The following ROBO2 variants were observed in gnomAD, a reference collection of about 807,000 sequenced individuals.
ROBO2 encodes roundabout homolog 2.
Under a neutral mutation model 160.8 loss-of-function variants are expected in ROBO2, and 53 were observed. That is an observed-to-expected ratio of 0.33 (90% CI 0.26 to 0.41). The LOEUF is 0.41. ROBO2 is among the 10% of genes least tolerant of loss of function. ROBO2 has a pLI of 1.00. For missense variants in ROBO2, 1,577 were observed against 1,722.4 expected (o/e 0.92, Z 1.49); for synonymous variants, 664 against 611.7 (o/e 1.09, Z -1.26).
In ROBO2 at chr3:76,933,883, A is replaced by T. The variant is rs929413867; in HGVS notation, c.110-164131A>T. On this transcript the variant is annotated intron_variant, in intron 2 of 26. Transcript: ENST00000487694. ...CAGCTATCATTTGTGTCTCTATCAT[A>T]AAGACACAATTCTGTCTCTTCTAAA... is the stretch of plus-strand genomic sequence containing the variant. Among the ~76,000 whole-genome samples the T allele has an allele frequency of 2.6e-5, 4 of 152,208 alleles. No homozygotes were observed. The East Asian group carries it at 7.7e-4, about 29-fold the overall frequency.
At chr3:75,940,273 T>G (rs920315697) in intron 2 of ROBO2, among the ~76,000 whole-genome samples, 1 of 151,918 alleles carries the variant, frequency 6.6e-6, no homozygotes, top group African/African-American at 2.4e-5. Flanking sequence ...CTCAACTGTG[T>G]GCAACCACTA....
At chr3:76,664,742 G>A (rs370130108) in intron 2 of ROBO2, among the ~76,000 whole-genome samples, 31 of 152,232 alleles carry the variant, frequency 2.0e-4, no homozygotes, top group African/African-American at 6.7e-4. Context: ...ATTGCTGGGC[G>A]CTGGACATCA....
chr3:76,728,514 G>A (rs984902598), intron 2 of ROBO2, among the ~76,000 whole-genome samples: 1 of 152,042 alleles, frequency 6.6e-6, no homozygotes, highest in Admixed American at 6.6e-5. Context: ...TCATTAAATC[G>A]CTATCTTCGT....
At chr3:76,938,088 A>G (rs2077841044) in intron 2 of ROBO2, among the ~76,000 whole-genome samples, 1 of 152,172 alleles carries the variant, frequency 6.6e-6, no homozygotes, top group Non-Finnish European at 1.5e-5. Flanking sequence ...AATCAAGAAA[A>G]CATTTCTTTC....
intron 2 of ROBO2, among the ~76,000 whole-genome samples, chr3:77,409,103 G>GTATGTA (rs1553942404): frequency 1.5e-5 from 2 of 129,656 alleles, no homozygotes; most frequent in Non-Finnish European, 3.4e-5. Context: ...ATATATATAT[G>GTATGTA]TATATATATA....
chr3:76,591,237 G>A (rs898012346), intron 2 of ROBO2, among the ~76,000 whole-genome samples: 4 of 152,210 alleles, frequency 2.6e-5, no homozygotes, highest in Non-Finnish European at 5.9e-5. Flanking sequence ...TCATAAGAAA[G>A]AGAAAACATA....
chr3:77,608,036 C>A, intron 21 of ROBO2, 82 bp downstream of exon 22: 2 of 1,385,226 alleles, frequency 1.4e-6, no homozygotes, highest in Non-Finnish European at 2.0e-6. Flanking sequence ...ATCTTATGTT[C>A]TCTCACTGTT....
rs201788510 is a variant in ROBO2 at position 77,291,106 on chromosome 3, G to C, written c.389-186308G>C. Among the ~76,000 whole-genome samples the C allele has an allele frequency of 1.3e-3, 192 of 151,152 alleles. No individual in the cohort carries two copies. In the East Asian group the frequency reaches 0.037, roughly 29 times the overall value. The stretch of plus-strand genomic sequence containing the variant: ...GTAAAATTGACGGGTAAACGGGTAA[G>C]CTGAGGCTAGATCACCCCAGACATA... On this transcript the variant is annotated intron_variant, in intron 2 of 25. Coordinates refer to ENST00000461745, the Ensembl canonical transcript of ROBO2.
At chr3:77,617,610 A>G in exon 22 of ROBO2, 1 of 1,614,138 alleles carries the variant, frequency 6.2e-7, no homozygotes, top group Non-Finnish European at 8.5e-7. Flanking sequence ...TAGGGTCCCA[A>G]CACCTCCTGT....
At chr3:76,442,954 A>C (rs1489432729) in intron 2 of ROBO2, among the ~76,000 whole-genome samples, 2 of 152,166 alleles carry the variant, frequency 1.3e-5, no homozygotes, top group Non-Finnish European at 2.9e-5. Context: ...ATAAAAGATT[A>C]ATCGAAGCTG....
intron 2 of ROBO2, among the ~76,000 whole-genome samples, chr3:76,218,862 C>A (rs1703751913): frequency 6.6e-6 from 1 of 152,122 alleles, no homozygotes; most frequent in Admixed American, 6.6e-5. Context: ...CAAGTCAATC[C>A]TAAGCCAAAA....
chr3:76,950,593 A>G (rs1287739153), intron 2 of ROBO2, among the ~76,000 whole-genome samples: 1 of 152,212 alleles, frequency 6.6e-6, no homozygotes, highest in Non-Finnish European at 1.5e-5. Context: ...AACAGTCTCC[A>G]TTCCTGTACT....
intron 2 of ROBO2, among the ~76,000 whole-genome samples, chr3:77,206,077 G>A (rs1158275911): frequency 6.6e-6 from 1 of 151,958 alleles, no homozygotes; most frequent in Non-Finnish European, 1.5e-5. Context: ...GCGTAACTCC[G>A]GTCTCTGCCT....
At chr3:76,994,047 C>T (rs941188188) in intron 2 of ROBO2, among the ~76,000 whole-genome samples, 1 of 151,358 alleles carries the variant, frequency 6.6e-6, no homozygotes, top group Non-Finnish European at 1.5e-5. Context: ...TGAGTTCTCA[C>T]TCCGTAATTT....
At chr3:76,614,522 T>C (rs1006413352) in intron 2 of ROBO2, among the ~76,000 whole-genome samples, 2 of 152,078 alleles carry the variant, frequency 1.3e-5, no homozygotes, top group African/African-American at 4.8e-5. Context: ...TTAATTTTTA[T>C]GAACTACAGG....
In ROBO2 at chr3:76,940,499, G is replaced by T. The variant is rs149596460; in HGVS notation, c.110-157515G>T. Among the ~76,000 whole-genome samples the T allele has an allele frequency of 3.1e-3, 467 of 152,196 alleles. 1 individual carries two copies. Among genetic ancestry groups the T allele is most frequent in the Non-Finnish European group, 5.1e-3 (345 of 68,016 alleles). On this transcript the variant is annotated intron_variant, in intron 2 of 26. Transcript: ENST00000487694. Reference sequence around the variant, plus strand: ...TCTGCCTGTTTCATTGAAATTACTGGATGTTTTACCAAAAGTGCTTTTTAA... The same window carrying T: ...TCTGCCTGTTTCATTGAAATTACTGTATGTTTTACCAAAAGTGCTTTTTAA...
intron 2 of ROBO2, among the ~76,000 whole-genome samples, chr3:77,323,215 A>G (rs997095704): frequency 1.3e-5 from 2 of 150,952 alleles, no homozygotes; most frequent in African/African-American, 4.9e-5. Flanking sequence ...ACTGACTATC[A>G]CCCATGTTCC....
intron 19 of ROBO2, among the ~76,000 whole-genome samples, chr3:77,601,140 T>A (rs1463238091): frequency 6.6e-6 from 1 of 152,176 alleles, no homozygotes; most frequent in Non-Finnish European, 1.5e-5. Flanking sequence ...TCTATAAGAA[T>A]TTTTATTTCA....
At chr3:76,068,286 G>T (rs1174631739) in intron 2 of ROBO2, among the ~76,000 whole-genome samples, 1 of 152,148 alleles carries the variant, frequency 6.6e-6, no homozygotes, top group African/African-American at 2.4e-5. Context: ...AGACAGTGGG[G>T]TAATGGAGCC....
Sources: gnomAD v4.1 joint callset for allele counts (sites outside exome capture counted in the v4.1 genomes callset) on GRCh38, gnomAD v4.1.1 for gene constraint, MANE v1.5 for transcripts, NCBI Gene and HGNC (gene_info 2026-07-23, HGNC 2026-07-21) for gene names.